The following TNRC18 variants were observed in gnomAD, a reference collection of about 807,000 sequenced individuals.
The protein encoded by TNRC18 is trinucleotide repeat-containing gene 18 protein.
Under a neutral mutation model 226.7 loss-of-function variants are expected in TNRC18, and 69 were observed. That is an observed-to-expected ratio of 0.30 (90% confidence interval 0.25 to 0.37). TNRC18 has a LOEUF of 0.37. Ranked by LOEUF, TNRC18 falls within the 10% of genes least tolerant of loss-of-function variation. TNRC18 has a pLI of 1.00. For missense variants in TNRC18, 4,754 were observed against 4,256.6 expected, an observed-to-expected ratio of 1.12 and a Z score of -3.25; for synonymous variants, 2,449 against 1,927.6, an observed-to-expected ratio of 1.27 and a Z score of -7.09.
At chr7:5,350,153 A>G (rs929260120) in intron 17 of TNRC18, among the ~76,000 whole-genome samples, 18 of 151,300 alleles carry the variant, frequency 1.2e-4, no homozygotes, top group African/African-American at 4.4e-4. Flanking sequence ...GGGAGGGAGA[A>G]GGGGATCGTA....
rs1348034265 is a variant in TNRC18, at chr7:5,356,165, A to C, written c.5194+751T>G. ...GACGACAGAGTGAGACTCCGTCTCAAATTAAAAAAAAAAAAAAAAGAAAGA... is the reference window on the plus strand; with the variant it reads ...GACGACAGAGTGAGACTCCGTCTCACATTAAAAAAAAAAAAAAAAGAAAGA... On this transcript the variant is annotated intron_variant, in intron 16 of 29. Coordinates refer to ENST00000430969, the MANE Select transcript of TNRC18 (RefSeq NM_001080495.3). Among the ~76,000 whole-genome samples, 21 of 134,648 alleles carry C rather than the reference A, an allele frequency of 1.6e-4. 1 individual carries two copies. Among genetic ancestry groups the C allele is most frequent in the African/African-American group, 6.5e-4 (21 of 32,462 alleles). 88.3% of individuals were successfully genotyped at this position (134,648 alleles called of 152,430 possible). A position where few individuals can be genotyped will look rare whatever the true frequency, so the allele number is the denominator to read the frequency against.
chr7:5,412,898 T>C (rs1781934418), intron 2 of TNRC18, among the ~76,000 whole-genome samples: 1 of 152,126 alleles, frequency 6.6e-6, no homozygotes, highest in South Asian at 2.1e-4. Flanking sequence ...ATTTTGCTTA[T>C]CCCCTGAAAA....
rs757249811 is a variant in TNRC18, at chr7:5,370,687, C to G, written c.3907G>C (p.Gly1303Arg). ...TGGGGCTCCAGGCTCGGGCACTGTC[C>G]CTCCCCGGCGGGCACGTCACAGTCT... Reference protein sequence around the residue: ...MSDCDVPAGEGQCPSLEPQEA... With the variant: ...MSDCDVPAGERQCPSLEPQEA... The change falls in exon 11 of 30, where the codon GGA becomes CGA. Residue 1303 changes from glycine (G) to arginine (R), a missense_variant. Physicochemically the swap from Gly to Arg is moderately radical, Grantham distance 125. Coordinates refer to ENST00000430969, the MANE Select transcript of TNRC18 (RefSeq NM_001080495.3). 2 of 1,611,940 alleles carry G rather than the reference C, an allele frequency of 1.2e-6. No homozygotes were observed. The highest frequency in any genetic ancestry group is 1.7e-6 in the Non-Finnish European group (2 of 1,179,500).
chr7:5,307,774 C>T lies in TNRC18; in HGVS notation c.*332G>A, dbSNP rs575611711. On this transcript the variant is annotated 3_prime_UTR_variant, in exon 30 of 30. Coordinates refer to ENST00000430969, the MANE Select transcript of TNRC18 (RefSeq NM_001080495.3). The stretch of plus-strand genomic sequence containing the variant: ...GGACCTGGGGGCACCCGGGCCCCCA[C>T]GCAGCAGCAGCCTGGAGGGCCGGCC... The T allele has an allele frequency of 1.5e-4, 61 of 394,306 alleles. No homozygotes were observed. The highest frequency in any genetic ancestry group is 8.1e-4 in the Middle Eastern group (1 of 1,236). 24.4% of individuals were successfully genotyped at this position (394,306 alleles called of 1,614,324 possible).
intron 5 of TNRC18, among the ~76,000 whole-genome samples, chr7:5,381,053 A>G (rs915976963): frequency 2.6e-5 from 4 of 151,996 alleles, no homozygotes; most frequent in Non-Finnish European, 5.9e-5. Context: ...GTCACTGTGA[A>G]TGGTCTCAGG....
intron 21 of TNRC18, among the ~76,000 whole-genome samples, chr7:5,322,985 G>C (rs927363589): frequency 2.6e-5 from 4 of 152,148 alleles, no homozygotes; most frequent in Non-Finnish European, 4.4e-5. Context: ...CTTAAGCCAC[G>C]GGTCTGGCAG....
intron 2 of TNRC18, 127 bp downstream of exon 2, chr7:5,420,933 C>A (rs1358258537): frequency 3.3e-6 from 4 of 1,199,480 alleles, no homozygotes; most frequent in Non-Finnish European, 4.8e-6. Flanking sequence ...GGAGCCGAGT[C>A]TGCCCGCACC....
intron 26 of TNRC18, among the ~76,000 whole-genome samples, chr7:5,314,414 C>G (rs1787631791): frequency 6.6e-6 from 1 of 152,094 alleles, no homozygotes; most frequent in Non-Finnish European, 1.5e-5. Flanking sequence ...TCAGCCTGCA[C>G]GAAGTATTTT....
intron 24 of TNRC18, among the ~76,000 whole-genome samples, chr7:5,318,633 T>C (rs1014240150): frequency 2.6e-5 from 4 of 151,978 alleles, no homozygotes; most frequent in Non-Finnish European, 4.4e-5. Context: ...GAATTCCAGA[T>C]CTAGGGATAA....
At chr7:5,326,357 G>A (rs1266628281) in intron 19 of TNRC18, among the ~76,000 whole-genome samples, 1 of 152,164 alleles carries the variant, frequency 6.6e-6, no homozygotes, top group Admixed American at 6.5e-5. Context: ...AGCCTATTGA[G>A]CCAAGGTATG....
rs1164408317 is a variant in TNRC18, at chr7:5,377,426, G to A, written c.2406C>T (p.His802=). 11 of 1,596,690 alleles carry A rather than the reference G, an allele frequency of 6.9e-6. No homozygotes were observed. Among genetic ancestry groups the A allele is most frequent in the South Asian group, 1.1e-5 (1 of 88,288 alleles). Residue 802 remains histidine (H), a synonymous_variant, in exon 7 of 30, where the codon CAC becomes CAT. Transcript: ENST00000430969. This position sits in a 1 kb window ranked among gnomAD's most constrained non-coding sequence, Gnocchi z 5.8. ...CGTTGCCCGAGCGGGGCAACCAGGG[G>A]TGCGTGGCCAGATGGGCTGCGGGGT... The part of the protein sequence containing the change: ...SADPAAHLAT[H]PWLPRSGNAS...
At chr7:5,390,680 G>A in intron 3 of TNRC18, 52 bp from the exon 4 acceptor site, 1 of 1,454,384 alleles carries the variant, frequency 6.9e-7, no homozygotes, top group African/African-American at 1.4e-5. Context: ...CTGCTCACCA[G>A]GAGCTTCCTT....
rs770051950 is a variant in TNRC18, at chr7:5,370,537, G to C, written c.4057C>G (p.Gln1353Glu). Residue 1353 changes from glutamine (Q) to glutamate (E), a missense_variant, in exon 11 of 30, where the codon CAG becomes GAG. Gln to Glu is a conservative substitution (Grantham distance 29, BLOSUM62 2). Transcript: ENST00000430969. ...NALAAAAELP[Q>E]ARPLPSPGAA... ...CCCGGGGAGGGCAGAGGCCTGGCCT[G>C]GGGCAGCTCCGCAGCTGCCGCCAGG... 1 of 1,605,372 alleles carries C rather than the reference G, an allele frequency of 6.2e-7. No homozygotes were observed. The highest frequency in any genetic ancestry group is 8.5e-7 in the Non-Finnish European group (1 of 1,176,368).
At chr7:5,327,413 CTG>C (rs1292072954) in intron 19 of TNRC18, among the ~76,000 whole-genome samples, 1 of 112,452 alleles carries the variant, frequency 8.9e-6, no homozygotes, top group Non-Finnish European at 1.9e-5. Context: ...GTGTGTGTGT[CTG>C]TGTGTTTTAT....
intron 16 of TNRC18, among the ~76,000 whole-genome samples, chr7:5,356,262 C>G (rs1234697620): frequency 6.6e-6 from 1 of 152,086 alleles, no homozygotes; most frequent in Non-Finnish European, 1.5e-5. Context: ...CAGGTTTAAC[C>G]CCGAGTCGCC....
Position 5,315,093 on chromosome 7 carries a change from C to A in TNRC18, c.6918G>T (p.Lys2306Asn). Reference sequence around the variant, plus strand: ...TGCCCTCCCCAGTGTCTTTGCTGGTCTTCCGGCTGCGGCGCTTGGCACTTG... The same window carrying A: ...TGCCCTCCCCAGTGTCTTTGCTGGTATTCCGGCTGCGGCGCTTGGCACTTG... Reference protein sequence around the residue: ...LVPSAKRRSRKTSKDTGEGKD... With the variant: ...LVPSAKRRSRNTSKDTGEGKD... Residue 2306 changes from lysine (K) to asparagine (N), a missense_variant, in exon 26 of 30, where the codon AAG (lysine) becomes AAT (asparagine). Lys to Asn is a moderately conservative substitution (Grantham distance 94). Coordinates refer to ENST00000430969, the MANE Select transcript of TNRC18 (RefSeq NM_001080495.3). The A allele has an allele frequency of 1.1e-5, 17 of 1,612,940 alleles. No homozygotes were observed. Among genetic ancestry groups the A allele is most frequent in the Non-Finnish European group, 1.4e-5 (17 of 1,179,654 alleles).
intron 2 of TNRC18, among the ~76,000 whole-genome samples, chr7:5,406,930 C>T (rs568810374): frequency 1.3e-5 from 2 of 152,250 alleles, no homozygotes; most frequent in East Asian, 3.9e-4. Flanking sequence ...CAGACAAATT[C>T]CTATCAACAC....
At chr7:5,378,482 G>A (rs1035679550) in intron 5 of TNRC18, among the ~76,000 whole-genome samples, 7 of 150,704 alleles carry the variant, frequency 4.6e-5, no homozygotes, top group African/African-American at 1.2e-4. Context: ...GCAGTGGCAC[G>A]ATCTCGGCTC....
At position 5,307,817 on chromosome 7, in the gene TNRC18, C is replaced by T. The variant is rs993408187; in HGVS notation, c.*289G>A. 3.6e-5 allele frequency: 17 copies of T among 470,622 alleles called. No individual in the cohort carries two copies. The highest frequency in any genetic ancestry group is 7.1e-5 in the Admixed American group (2 of 28,122). The allele number at this position is 470,622 out of a possible 1,614,324, so 29.2% of individuals were successfully genotyped here. A position where few individuals can be genotyped will look rare whatever the true frequency, so the allele number is the denominator to read the frequency against. On this transcript the variant is annotated 3_prime_UTR_variant, in exon 30 of 30. Transcript: ENST00000430969. ...GGCCGGCCTGGCCAAGTGCTTGCAA[C>T]GTGCTGGGCAGGAAGGGCCGGTCCG...
Sources: gnomAD v4.1 joint callset for allele counts (sites outside exome capture counted in the v4.1 genomes callset) on GRCh38, gnomAD v4.1.1 for gene constraint, Gnocchi (gnomAD v3.1) non-coding constraint, MANE v1.5 for transcripts, NCBI Gene and HGNC (gene_info 2026-07-23, HGNC 2026-07-21) for gene names.